The following GAS2 variants were observed in gnomAD, a reference collection of about 807,000 sequenced individuals.
GAS2 encodes growth arrest specific 2.
Under a neutral mutation model 37.5 loss-of-function variants are expected in GAS2, and 20 were observed. The observed-to-expected ratio is 0.53, with a 90% confidence interval of 0.37 to 0.77. GAS2 has a LOEUF of 0.77. Among genes scored for constraint, GAS2 ranks in the 30% least tolerant of loss-of-function variants. GAS2 has a pLI of 0.00. For missense variants in GAS2, 336 were observed against 373.4 expected (o/e 0.90, Z 0.82); for synonymous variants, 144 against 132.2 (o/e 1.09, Z -0.61).
chr11:22,722,841 AG>A (rs980576159), intron 3 of GAS2, among the ~76,000 whole-genome samples: 1 of 151,920 alleles, frequency 6.6e-6, no homozygotes, highest in African/African-American at 2.4e-5. Context: ...TGTCTAAAAA[AG>A]CTTTCATGAG....
chr11:22,721,803 G>A (rs1451785839), intron 3 of GAS2, among the ~76,000 whole-genome samples: 5 of 151,970 alleles, frequency 3.3e-5, no homozygotes, highest in Non-Finnish European at 5.9e-5. Context: ...ATAGGAAGAA[G>A]TAAATTATTT....
chr11:22,756,600 T>C (rs1257558973), intron 7 of GAS2, among the ~76,000 whole-genome samples: 2 of 152,180 alleles, frequency 1.3e-5, no homozygotes, highest in African/African-American at 4.8e-5. Flanking sequence ...ATTTCTACTT[T>C]TGACCAAAAC....
At chr11:22,755,052 C>G (rs1015508050) in intron 6 of GAS2, among the ~76,000 whole-genome samples, 2 of 152,046 alleles carry the variant, frequency 1.3e-5, no homozygotes, top group African/African-American at 4.8e-5. Flanking sequence ...AAAACATAAA[C>G]ATAAAATTGT....
chr11:22,701,018 C>G (rs572282866), intron 3 of GAS2, among the ~76,000 whole-genome samples: 2 of 152,244 alleles, frequency 1.3e-5, no homozygotes, highest in Non-Finnish European at 2.9e-5. Context: ...ATATTAGAAC[C>G]TTTATTTTCT....
At chr11:22,704,193 T>G (rs1850987992) in intron 3 of GAS2, among the ~76,000 whole-genome samples, 1 of 152,122 alleles carries the variant, frequency 6.6e-6, no homozygotes, top group Non-Finnish European at 1.5e-5. Flanking sequence ...CAGGATCACT[T>G]AAGTGCTTTT....
At chr11:22,806,924 A>G (rs7129430) in intron 7 of GAS2, among the ~76,000 whole-genome samples, 58,458 of 152,032 alleles carry the variant, frequency 0.38, 12,638 homozygotes, top group East Asian at 0.74. Context: ...CTCCTCATCA[A>G]TATGAAATCA....
chr11:22,769,605 A>C (rs1162283345), intron 7 of GAS2, among the ~76,000 whole-genome samples: 1 of 152,240 alleles, frequency 6.6e-6, no homozygotes, highest in African/African-American at 2.4e-5. Flanking sequence ...CTATAATACT[A>C]TCTAATCATG....
chr11:22,787,545 T>C (rs1366747368), intron 7 of GAS2, among the ~76,000 whole-genome samples: 1 of 151,522 alleles, frequency 6.6e-6, no homozygotes, highest in African/African-American at 2.4e-5. Flanking sequence ...GAGAAACATA[T>C]GTGCTGGAGT....
At chr11:22,767,451 A>G (rs995699300) in intron 7 of GAS2, among the ~76,000 whole-genome samples, 1 of 152,176 alleles carries the variant, frequency 6.6e-6, no homozygotes, top group African/African-American at 2.4e-5. Flanking sequence ...ATACATAGTA[A>G]TGTCTACTCG....
chr11:22,779,365 C>T lies in GAS2; in HGVS notation c.723+23412C>T, dbSNP rs148779871. Among the ~76,000 whole-genome samples the T allele has an allele frequency of 1.2e-3, 181 of 152,286 alleles. 1 individual carries two copies. Among genetic ancestry groups the T allele is most frequent in the African/African-American group, 4.1e-3 (171 of 41,554 alleles). On this transcript the variant is annotated intron_variant, in intron 7 of 7. Coordinates refer to ENST00000454584, the MANE Select transcript of GAS2 (RefSeq NM_001143830.3). ...TAGCCATATTGGTCTTCCCTTCTTT[C>T]AACACAGTGTGTTGTTTCTTGTTCA...
intron 6 of GAS2, among the ~76,000 whole-genome samples, chr11:22,752,583 C>T (rs896417581): frequency 6.6e-6 from 1 of 151,234 alleles, no homozygotes; most frequent in Non-Finnish European, 1.5e-5. Flanking sequence ...AGAGTTTCTG[C>T]GTTTAGTTAA....
intron 3 of GAS2, among the ~76,000 whole-genome samples, chr11:22,715,192 G>A (rs1056854545): frequency 6.6e-6 from 1 of 152,082 alleles, no homozygotes; most frequent in Non-Finnish European, 1.5e-5. Context: ...CACAGGTGTG[G>A]TGGCTTACAC....
At chr11:22,686,096 G>A (rs1347073294) in intron 3 of GAS2, among the ~76,000 whole-genome samples, 1 of 152,126 alleles carries the variant, frequency 6.6e-6, no homozygotes, top group Middle Eastern at 3.2e-3. Flanking sequence ...AAATAATTGT[G>A]TCATTAGGCA....
chr11:22,629,086 G>A (rs1858709337), intron 1 of GAS2, among the ~76,000 whole-genome samples: 1 of 152,048 alleles, frequency 6.6e-6, no homozygotes, highest in African/African-American at 2.4e-5. Flanking sequence ...GGGCCCTTAT[G>A]TTGGTTCCGT....
At position 22,648,552 on chromosome 11, in the gene GAS2, A is replaced by T. The variant is rs1199050467; in HGVS notation, c.-21+22739A>T. Among the ~76,000 whole-genome samples the T allele has an allele frequency of 2.0e-5, 3 of 152,322 alleles. No homozygotes were observed. The East Asian group carries it at 5.8e-4, about 29-fold the overall frequency. Reference sequence around the variant, plus strand: ...TTCACAATATTGATTCTTCCTACCCATGAGCATGGAATGTTCTTCCATTTG... The same window carrying T: ...TTCACAATATTGATTCTTCCTACCCTTGAGCATGGAATGTTCTTCCATTTG... On this transcript the variant is annotated intron_variant, in intron 1 of 5. Coordinates refer to the GAS2 transcript ENST00000528582.
chr11:22,788,269 A>T lies in GAS2; in HGVS notation c.724-23529A>T, dbSNP rs1855913174. ...CACTGAGATTTAGAATATGAAGAAA[A>T]TATGTTTTTCTTCCTTTGACAGGAA... On this transcript the variant is annotated intron_variant, in intron 7 of 7. Coordinates refer to ENST00000454584, the MANE Select transcript of GAS2 (RefSeq NM_001143830.3). Among the ~76,000 whole-genome samples, 3 of 152,212 alleles carry T rather than the reference A, an allele frequency of 2.0e-5. No homozygotes were observed. The South Asian group carries it at 6.2e-4, about 31-fold the overall frequency.
intron 3 of GAS2, among the ~76,000 whole-genome samples, chr11:22,720,520 T>C (rs1266347909): frequency 6.6e-6 from 1 of 152,068 alleles, no homozygotes; most frequent in Admixed American, 6.6e-5. Context: ...AAGGAAATAA[T>C]TTTATTGAAA....
At chr11:22,713,161 A>G (rs895234714) in intron 3 of GAS2, among the ~76,000 whole-genome samples, 6 of 151,952 alleles carry the variant, frequency 3.9e-5, no homozygotes, top group African/African-American at 1.2e-4. Flanking sequence ...TAGATATAAT[A>G]AAGGACAATC....
intron 3 of GAS2, among the ~76,000 whole-genome samples, chr11:22,694,558 CAGG>C (rs1275144364): frequency 6.6e-6 from 1 of 152,204 alleles, no homozygotes; most frequent in African/African-American, 2.4e-5. Flanking sequence ...GAATTAATTA[CAGG>C]TCGAATAGAA....
Sources: gnomAD v4.1 joint callset for allele counts (sites outside exome capture counted in the v4.1 genomes callset) on GRCh38, gnomAD v4.1.1 for gene constraint, MANE v1.5 for transcripts, NCBI Gene and HGNC (gene_info 2026-07-23, HGNC 2026-07-21) for gene names.